Variants in MUC5AC observed in about 807,000 individuals in gnomAD.
MUC5AC encodes the protein mucin 5AC, oligomeric mucus/gel-forming, also known as mucin-5AC.
A neutral mutation model predicts 169.7 loss-of-function variants in MUC5AC; 158 were observed. The observed-to-expected ratio is 0.93, with a 90% CI of 0.82 to 1.06. MUC5AC has a LOEUF of 1.06. Ranked by LOEUF, MUC5AC falls within the 50% of genes least tolerant of loss-of-function variation. MUC5AC has a pLI of 0.00. For missense variants in MUC5AC, 4,359 were observed against 3,089.9 expected, an observed-to-expected ratio of 1.41 and a Z score of -9.74; for synonymous variants, 1,975 against 1,237.0, an observed-to-expected ratio of 1.60 and a Z score of -12.52.
Position 1,164,423 on chromosome 11 carries a change from C to A in MUC5AC, c.1020C>A (p.Asn340Lys), listed in dbSNP as rs776948299. 3 of 1,612,406 alleles carry A rather than the reference C, an allele frequency of 1.9e-6. No homozygotes were observed. Among genetic ancestry groups the A allele is most frequent in the Admixed American group, 1.7e-5 (1 of 59,976 alleles). ...CTCCCGCAGCCCAGAAGTGCCCCAA[C>A]AACATGCAGTACCACGAGTGCCGCT... is the stretch of plus-strand genomic sequence containing the variant. ...GPDFCPQKCPNNMQYHECRSP... is the reference protein window; with the variant it reads ...GPDFCPQKCPKNMQYHECRSP... Residue 340 changes from asparagine (N) to lysine (K), a missense_variant, in exon 9 of 49, where the codon AAC becomes AAA. Coordinates refer to ENST00000621226, the MANE Select transcript of MUC5AC (RefSeq NM_001304359.2).
Position 1,186,104 on chromosome 11 carries a change from C to G in MUC5AC, c.7959C>G (p.Thr2653=), listed in dbSNP as rs1326688134. The change falls in exon 31 of 49, where the codon ACC becomes ACG. Residue 2653 remains threonine, a synonymous_variant. Coordinates refer to ENST00000621226, the MANE Select transcript of MUC5AC (RefSeq NM_001304359.2). ...STTSASTTST[T]SGPGTTPSPV... is the part of the protein sequence containing the mutation. Reference sequence around the variant, plus strand: ...CCTCTGCTTCTACAACTAGCACAACCTCTGGTCCTGGAACTACTCCCAGCC... The same window carrying G: ...CCTCTGCTTCTACAACTAGCACAACGTCTGGTCCTGGAACTACTCCCAGCC... The G allele has an allele frequency of 1.3e-6, 1 of 749,060 alleles. No homozygotes were observed. The highest frequency in any genetic ancestry group is 1.7e-5 in the African/African-American group (1 of 58,694). The allele number at this position is 749,060 out of a possible 1,614,324, so 46.4% of individuals were successfully genotyped here. A position where few individuals can be genotyped will look rare whatever the true frequency, so the allele number is the denominator to read the frequency against.
intron 2 of MUC5AC, among the ~76,000 whole-genome samples, 194 bp from the exon 3 acceptor site, chr11:1,161,333 G>A (rs1338857902): frequency 6.6e-6 from 1 of 150,544 alleles, no homozygotes; most frequent in African/African-American, 2.4e-5. Flanking sequence ...GTCACCGAAC[G>A]CAGGGTGTGT....
In MUC5AC at chr11:1,192,925, A is replaced by T. The variant is rs375986478; in HGVS notation, c.14523A>T (p.Ile4841=). 1.4e-5 allele frequency: 11 copies of T among 759,264 alleles called. No individual in the cohort carries two copies. Among genetic ancestry groups the T allele is most frequent in the Non-Finnish European group, 2.4e-5 (10 of 415,134 alleles). The allele number at this position is 759,264 out of a possible 1,614,324, so 47.0% of individuals were successfully genotyped here. ...CTGCCCCAGCCACGTCCCCTTCAATATCCACCTCCGAGCCCGTCACTGAGC... is the reference window on the plus strand; with the variant it reads ...CTGCCCCAGCCACGTCCCCTTCAATTTCCACCTCCGAGCCCGTCACTGAGC... ...LPPAPATSPS[I]STSEPVTELG... is the part of the protein sequence containing the mutation. The change falls in exon 32 of 49, where the codon ATA becomes ATT. Residue 4841 remains isoleucine (I), a synonymous_variant. Transcript: ENST00000621226.
In MUC5AC at chr11:1,200,590, G is replaced by A. The variant is rs758498150; in HGVS notation, c.16853G>A (p.Arg5618Gln). Residue 5618 changes from arginine (R) to glutamine (Q), a missense_variant, in exon 49 of 49, where the codon CGG becomes CAG. By Grantham distance (43) the Arg-to-Gln change is conservative (BLOSUM62 1). Transcript: ENST00000621226. Reference sequence around the variant, plus strand: ...GAAGAGTGCGGCTGCATGGGCCGGCGGTGCCCTGCGCCGGGCGACACCCAG... The same window carrying A: ...GAAGAGTGCGGCTGCATGGGCCGGCAGTGCCCTGCGCCGGGCGACACCCAG... ...EVEECGCMGR[R>Q]CPAPGDTQHS... 4 of 764,518 alleles carry A rather than the reference G, an allele frequency of 5.2e-6. No homozygotes were observed. Among genetic ancestry groups the A allele is most frequent in the Admixed American group, 1.7e-5 (1 of 58,986 alleles). 47.4% of individuals were successfully genotyped at this position (764,518 alleles called of 1,614,324 possible). A position where few individuals can be genotyped will look rare whatever the true frequency, so the allele number is the denominator to read the frequency against.
At position 1,172,472 on chromosome 11, in the gene MUC5AC, C is replaced by T. The variant is rs907307695; in HGVS notation, c.1914C>T (p.Asp638=). The T allele has an allele frequency of 1.2e-4, 46 of 398,580 alleles. No homozygotes were observed. Among genetic ancestry groups the T allele is most frequent in the African/African-American group, 1.4e-4 (7 of 48,646 alleles). 24.7% of individuals were successfully genotyped at this position (398,580 alleles called of 1,614,324 possible). A position where few individuals can be genotyped will look rare whatever the true frequency, so the allele number is the denominator to read the frequency against. ...QHWCSQLTDA[D]GPFGRCHAAV... ...GGTGCTCGCAGCTGACCGATGCCGA[C>T]GGCCCCTTCGGCCGGTGCCATGCTG... is the stretch of plus-strand genomic sequence containing the variant. Residue 638 remains aspartate, a synonymous_variant, in exon 16 of 49, where the codon GAC becomes GAT. Transcript: ENST00000621226.
At chr11:1,168,084 C>A in intron 12 of MUC5AC, 97 bp downstream of exon 12, 1 of 1,062,606 alleles carries the variant, frequency 9.4e-7, no homozygotes, top group Non-Finnish European at 1.4e-6. Context: ...CTGGCATGAA[C>A]AGCGAGAGGC....
In MUC5AC at chr11:1,168,805, G is replaced by A. The variant is rs773183395; in HGVS notation, c.1705+26G>A. Reference sequence around the variant, plus strand: ...GTAAGAGGGCTGCCTTCTGGGCTTGGAGCCCACCCACTCTGGCCAGGGCGC... The same window carrying A: ...GTAAGAGGGCTGCCTTCTGGGCTTGAAGCCCACCCACTCTGGCCAGGGCGC... On this transcript the variant is annotated intron_variant, in intron 14 of 48. Coordinates refer to ENST00000621226, the MANE Select transcript of MUC5AC (RefSeq NM_001304359.2). The A allele has an allele frequency of 6.9e-6, 11 of 1,584,676 alleles. No individual in the cohort carries two copies. In the South Asian group the frequency reaches 1.0e-4, roughly 15 times the overall value.
intron 6 of MUC5AC, 54 bp from the exon 7 acceptor site, chr11:1,163,827 TG>T: frequency 7.0e-7 from 1 of 1,420,674 alleles, no homozygotes; most frequent in Non-Finnish European, 9.7e-7. Flanking sequence ...GCTCGGGTGC[TG>T]GGCTGACGGG....
chr11:1,175,865 T>C (rs1326901297), intron 19 of MUC5AC, among the ~76,000 whole-genome samples: 1 of 17,474 alleles, frequency 5.7e-5, no homozygotes, highest in Non-Finnish European at 1.1e-4. Flanking sequence ...ATGGACACGC[T>C]CACACATCCA....
chr11:1,193,331 G>A (rs1184313208), intron 32 of MUC5AC, among the ~76,000 whole-genome samples, 154 bp from the exon 33 acceptor site: 1 of 152,166 alleles, frequency 6.6e-6, no homozygotes, highest in Non-Finnish European at 1.5e-5. Flanking sequence ...CTCGGTGTCT[G>A]GGGTGGGTGC....
rs1861179810 is a variant in MUC5AC at position 1,193,596 on chromosome 11, A to C, written c.14692A>C (p.Asn4898His). ...GAGGGTGGAGAAGCCCACTTGTGCC[A>C]ACGGCTACCCGGCTGTGAAGGTGGC... ...CPRVEKPTCANGYPAVKVADQ... is the reference protein window; with the variant it reads ...CPRVEKPTCAHGYPAVKVADQ... Residue 4898 changes from asparagine to histidine, a missense_variant, in exon 33 of 49, where the codon AAC (asparagine) becomes CAC (histidine). Coordinates refer to ENST00000621226, the MANE Select transcript of MUC5AC (RefSeq NM_001304359.2). The C allele has an allele frequency of 1.3e-6, 1 of 764,918 alleles. No homozygotes were observed. The highest frequency in any genetic ancestry group is 1.3e-5 in the South Asian group (1 of 74,618). 47.4% of individuals were successfully genotyped at this position (764,918 alleles called of 1,614,324 possible).
chr11:1,197,951 C>T lies in MUC5AC; in HGVS notation c.16082C>T (p.Ala5361Val). The change falls in exon 42 of 49, where the codon GCC becomes GTC. Residue 5361 changes from alanine (A) to valine (V), a missense_variant. Ala to Val is a moderately conservative substitution (Grantham distance 64). Transcript: ENST00000621226. ...GCGCCCGTGGGCTGTCCTGAGGGCG[C>T]CCGCGCGATCCCGACCTACCAGGAG... ...CPAPVGCPEG[A>V]RAIPTYQEGA... 4.1e-6 allele frequency: 3 copies of T among 736,006 alleles called. No individual in the cohort carries two copies. Among genetic ancestry groups the T allele is most frequent in the South Asian group, 2.9e-5 (2 of 69,836 alleles). 45.6% of individuals were successfully genotyped at this position (736,006 alleles called of 1,614,324 possible).
At position 1,196,439 on chromosome 11, in the gene MUC5AC, C is replaced by A. The variant is rs2133775661; in HGVS notation, c.15689C>A (p.Pro5230His). The change falls in exon 38 of 49, where the codon CCC becomes CAC. Residue 5230 changes from proline to histidine, a missense_variant. By Grantham distance (77) the Pro-to-His change is moderately conservative. Coordinates refer to ENST00000621226, the MANE Select transcript of MUC5AC (RefSeq NM_001304359.2). ...TACCAGCCCTGCGGCCCGAGCAACCCCTCCTACTGCTACGGGAATGACAGC... is the reference window on the plus strand; with the variant it reads ...TACCAGCCCTGCGGCCCGAGCAACCACTCCTACTGCTACGGGAATGACAGC... Reference protein sequence around the residue: ...KVYQPCGPSNPSYCYGNDSAS... With the variant: ...KVYQPCGPSNHSYCYGNDSAS... The A allele has an allele frequency of 1.3e-6, 1 of 765,052 alleles. No homozygotes were observed. The highest frequency in any genetic ancestry group is 2.4e-6 in the Non-Finnish European group (1 of 417,822). The allele number at this position is 765,052 out of a possible 1,614,324, so 47.4% of individuals were successfully genotyped here.
chr11:1,182,656 C>T lies in MUC5AC; in HGVS notation c.4511C>T (p.Ser1504Leu). The T allele has an allele frequency of 2.5e-6, 1 of 399,378 alleles. No individual in the cohort carries two copies. Among genetic ancestry groups the T allele is most frequent in the Non-Finnish European group, 4.4e-6 (1 of 226,690 alleles). The allele number at this position is 399,378 out of a possible 1,614,324, so 24.7% of individuals were successfully genotyped here. The change falls in exon 31 of 49, where the codon TCA (serine) becomes TTA (leucine). Residue 1504 changes from serine (S) to leucine (L), a missense_variant. Physicochemically the swap from Ser to Leu is moderately radical, Grantham distance 145. Coordinates refer to ENST00000621226, the MANE Select transcript of MUC5AC (RefSeq NM_001304359.2). ...TCCAAGACCACTGAAACCCGGGCCT[C>T]AGGCTCCTCAGCTCCCAGCAGCACA... Reference protein sequence around the residue: ...TTSKTTETRASGSSAPSSTPG... With the variant: ...TTSKTTETRALGSSAPSSTPG...
intron 1 of MUC5AC, 52 bp downstream of exon 1, chr11:1,158,124 G>A (rs576782848): frequency 4.7e-6 from 7 of 1,494,704 alleles, no homozygotes; most frequent in Admixed American, 3.9e-5. Flanking sequence ...GCGGTACTGA[G>A]TGGGCCTCAG....
intron 9 of MUC5AC, 42 bp downstream of exon 9, chr11:1,164,574 CAACTAGGGGG>C: frequency 1.9e-6 from 3 of 1,573,238 alleles, no homozygotes; most frequent in Non-Finnish European, 2.6e-6. Context: ...TGCACCCCGA[CAACTAGGGGG>C]CTGTGCTCCC....
intron 1 of MUC5AC, among the ~76,000 whole-genome samples, chr11:1,159,449 C>T (rs1428818060): frequency 2.2e-5 from 3 of 135,360 alleles, no homozygotes; most frequent in East Asian, 2.3e-4. Context: ...GGGGTCTGGT[C>T]CCCCCATGCT....
Position 1,198,982 on chromosome 11 carries a change from A to C in MUC5AC, c.16282A>C (p.Thr5428Pro). The change falls in exon 44 of 49, where the codon ACA becomes CCA. Residue 5428 changes from threonine to proline, a missense_variant. Physicochemically the swap from Thr to Pro is conservative, Grantham distance 38. Transcript: ENST00000621226. ...VVSCETQICN[T>P]HCPVGFEYQE... ...CAGCTGTGAGACCCAGATCTGCAAC[A>C]CACACTGCCCTGTGGTGAGCGCTCC... The C allele has an allele frequency of 2.6e-6, 2 of 764,142 alleles. No homozygotes were observed. Among genetic ancestry groups the C allele is most frequent in the Non-Finnish European group, 2.4e-6 (1 of 417,606 alleles). 47.3% of individuals were successfully genotyped at this position (764,142 alleles called of 1,614,324 possible).
In MUC5AC at chr11:1,163,937, G is replaced by A. The variant is rs374264738; in HGVS notation, c.735G>A (p.Thr245=). 90 of 1,611,564 alleles carry A rather than the reference G, an allele frequency of 5.6e-5. No homozygotes were observed. In the East Asian group the frequency reaches 1.1e-3, roughly 19 times the overall value. Residue 245 remains threonine (T), a synonymous_variant, in exon 7 of 49, where the codon ACG becomes ACA. Transcript: ENST00000621226. ...ACCTGCAGAAGATGGACGACCCCAC[G>A]GACCAGTGTCAGGACCCTGTCCCTG... ...FGNLQKMDDP[T]DQCQDPVPEP...
Sources: allele counts gnomAD v4.1 joint callset (sites outside exome capture counted in the v4.1 genomes callset), GRCh38; gene constraint gnomAD v4.1.1; transcripts MANE v1.5; gene names NCBI Gene and HGNC (gene_info 2026-07-23, HGNC 2026-07-21).